The following QRSL1 variants were observed in gnomAD, a reference collection of about 807,000 sequenced individuals.
The protein encoded by QRSL1 is glutaminyl-tRNA amidotransferase subunit QRSL1, also known as glutamyl-tRNA(Gln) amidotransferase subunit A, mitochondrial.
In QRSL1, 54 loss-of-function variants were observed where a neutral mutation model predicts 61.6. The ratio of observed to expected loss-of-function variants is 0.88; its 90% CI spans 0.70 to 1.10. The LOEUF is 1.10. Among genes scored for constraint, QRSL1 ranks in the 50% least tolerant of loss-of-function variants. The pLI is 0.00. For missense variants in QRSL1, 505 were observed against 622.6 expected (o/e 0.81, Z 2.01); for synonymous variants, 228 against 225.7 (o/e 1.01, Z -0.09).
Position 106,640,460 on chromosome 6 carries a change from G to C in QRSL1, c.136G>C (p.Glu46Gln), listed in dbSNP as rs1484895852. The part of the protein sequence containing the change: ...FLNAYITVSE[E>Q]VALKQAEESE... ...AAATGCCTACATTACTGTGTCAGAA[G>C]AGGTGGCCTTAAAACAAGCTGAAGA... Residue 46 changes from glutamate (E) to glutamine (Q), a missense_variant, in exon 2 of 11, where the codon GAG becomes CAG. Coordinates refer to ENST00000369046, the MANE Select transcript of QRSL1 (RefSeq NM_018292.5). 1 of 1,601,486 alleles carries C rather than the reference G, an allele frequency of 6.2e-7. No homozygotes were observed.
At chr6:106,657,101 T>C (rs1777283044) in intron 9 of QRSL1, among the ~76,000 whole-genome samples, 1 of 152,168 alleles carries the variant, frequency 6.6e-6, no homozygotes, top group Admixed American at 6.5e-5. Context: ...AAAGCCTGTC[T>C]CTACTAAAAA....
At chr6:106,665,006 G>T (rs1777409432) in intron 10 of QRSL1, among the ~76,000 whole-genome samples, 1 of 152,058 alleles carries the variant, frequency 6.6e-6, no homozygotes, top group Non-Finnish European at 1.5e-5. Flanking sequence ...CTCTAAAGAA[G>T]AGCCTTCCTT....
At chr6:106,641,054 T>G (rs2114703056) in intron 3 of QRSL1, 133 bp downstream of exon 3, 1 of 654,474 alleles carries the variant, frequency 1.5e-6, no homozygotes, top group South Asian at 2.8e-5. Context: ...TAATATCATG[T>G]TTTTTTACTA....
chr6:106,636,579 A>G (rs921668844), intron 1 of QRSL1, among the ~76,000 whole-genome samples: 4 of 152,124 alleles, frequency 2.6e-5, no homozygotes, highest in African/African-American at 9.7e-5. Context: ...TTGGCCTCCC[A>G]AAGTGCTGGG....
At chr6:106,655,473 C>T in intron 8 of QRSL1, 142 bp from the exon 9 acceptor site, 1 of 568,628 alleles carries the variant, frequency 1.8e-6, no homozygotes, top group South Asian at 1.7e-5. Context: ...CGAGATTACA[C>T]CACTGCACTC....
At chr6:106,635,756 A>AG (rs1776910040) in intron 1 of QRSL1, among the ~76,000 whole-genome samples, 3 of 152,026 alleles carry the variant, frequency 2.0e-5, no homozygotes. Flanking sequence ...CTGTAATCCC[A>AG]GCTACTCAGG....
chr6:106,636,527 G>A (rs532668151), intron 1 of QRSL1, among the ~76,000 whole-genome samples: 3 of 152,142 alleles, frequency 2.0e-5, no homozygotes, highest in East Asian at 1.9e-4. Context: ...CACCGTGTTG[G>A]CCAGGATGGT....
chr6:106,655,299 T>A (rs1439760404), intron 8 of QRSL1, among the ~76,000 whole-genome samples: 1 of 152,060 alleles, frequency 6.6e-6, no homozygotes, highest in African/African-American at 2.4e-5. Flanking sequence ...AAAAGGCAGA[T>A]GGGGAAAAGA....
chr6:106,642,951 T>A (rs1777045789), intron 3 of QRSL1, 43 bp from the exon 4 acceptor site: 1 of 1,345,346 alleles, frequency 7.4e-7, no homozygotes, highest in South Asian at 1.2e-5. Context: ...AATAAAAGAC[T>A]TCTGGACTGT....
At chr6:106,651,851 A>G (rs1777191685) in intron 5 of QRSL1, among the ~76,000 whole-genome samples, 1 of 152,194 alleles carries the variant, frequency 6.6e-6, no homozygotes, top group African/African-American at 2.4e-5. Flanking sequence ...TCACGAATTT[A>G]TATGATGGAA....
At chr6:106,655,530 A>G (rs1777254778) in intron 8 of QRSL1, 85 bp from the exon 9 acceptor site, 1 of 794,150 alleles carries the variant, frequency 1.3e-6, no homozygotes, top group East Asian at 2.8e-5. Flanking sequence ...AAAAAAAAAA[A>G]AAAGTGAATC....
intron 1 of QRSL1, among the ~76,000 whole-genome samples, chr6:106,638,718 C>A (rs535487728): frequency 6.6e-6 from 1 of 152,318 alleles, no homozygotes; most frequent in East Asian, 1.9e-4. Flanking sequence ...AGTCCTGCAG[C>A]CTCCCCATGG....
rs930583587 is a variant in QRSL1 at position 106,667,298 on chromosome 6, G to A, written c.*1296G>A. 13 of 152,078 alleles carry A rather than the reference G, an allele frequency of 8.5e-5. No individual in the cohort carries two copies. Among genetic ancestry groups the A allele is most frequent in the Admixed American group, 3.3e-4 (5 of 15,258 alleles). 9.4% of individuals were successfully genotyped at this position (152,078 alleles called of 1,614,324 possible). On this transcript the variant is annotated 3_prime_UTR_variant, in exon 11 of 11. Coordinates refer to ENST00000369046, the MANE Select transcript of QRSL1 (RefSeq NM_018292.5). ...TCCTTTTCCTCTTGACTGTCTTTAC[G>A]AGTGTTTTTTATTTGGGACCCTCGA...
Position 106,649,119 on chromosome 6 carries a change from G to C in QRSL1, c.475G>C (p.Glu159Gln), listed in dbSNP as rs891606362. The C allele has an allele frequency of 1.9e-6, 3 of 1,614,154 alleles. No homozygotes were observed. Among genetic ancestry groups the C allele is most frequent in the Non-Finnish European group, 2.5e-6 (3 of 1,180,020 alleles). Residue 159 changes from glutamate to glutamine, a missense_variant, in exon 5 of 11, where the codon GAG becomes CAG. Glu to Gln is a conservative substitution (Grantham distance 29). Transcript: ENST00000369046. ...REKRKQNPHS[E>Q]NEDSDWLITG... ...AAAGAGGAAGCAGAATCCCCACAGC[G>C]AGAATGAAGATTCAGACTGGCTGAT...
chr6:106,647,795 C>T (rs1173282206), intron 4 of QRSL1, among the ~76,000 whole-genome samples: 5 of 146,746 alleles, frequency 3.4e-5, no homozygotes, highest in Non-Finnish European at 6.0e-5. Flanking sequence ...GGACTACAGG[C>T]GCCCGCCACC....
rs1777468567 is a variant in QRSL1, at chr6:106,667,986, C to A, written c.*1984C>A. 6.6e-6 allele frequency: 1 copy of A among 151,870 alleles called. No individual in the cohort carries two copies. The highest frequency in any genetic ancestry group is 1.9e-4 in the East Asian group (1 of 5,188). The allele number at this position is 151,870 out of a possible 1,614,324, so 9.4% of individuals were successfully genotyped here. A position where few individuals can be genotyped will look rare whatever the true frequency, so the allele number is the denominator to read the frequency against. ...AAAAAGAGAGAGAGAGAGAGATGGG[C>A]TCTCCCTGTGTTGCCCAGGCTAGTC... On this transcript the variant is annotated 3_prime_UTR_variant, in exon 11 of 11. Coordinates refer to ENST00000369046, the MANE Select transcript of QRSL1 (RefSeq NM_018292.5).
intron 1 of QRSL1, among the ~76,000 whole-genome samples, chr6:106,639,725 ACTT>A (rs1776987929): frequency 6.6e-6 from 1 of 151,974 alleles, no homozygotes; most frequent in African/African-American, 2.4e-5. Context: ...GGTATTCACT[ACTT>A]CCCAGTCACT....
rs6927609 is a variant in QRSL1, at chr6:106,633,524, C to T, written c.24+3819C>T. ...GCAATTTGGGGGATGTGAGTGGAAGCTTATGGTAACAGGAGTCCTGGGAAT... is the reference window on the plus strand; with the variant it reads ...GCAATTTGGGGGATGTGAGTGGAAGTTTATGGTAACAGGAGTCCTGGGAAT... On this transcript the variant is annotated intron_variant, in intron 1 of 10. Transcript: ENST00000369046. Among the ~76,000 whole-genome samples the T allele has an allele frequency of 1.7e-3, 258 of 152,156 alleles. 1 individual carries two copies. Among genetic ancestry groups the T allele is most frequent in the African/African-American group, 5.9e-3 (247 of 41,530 alleles).
chr6:106,661,124 T>TGTTTTG, intron 9 of QRSL1, among the ~76,000 whole-genome samples: 1 of 151,274 alleles, frequency 6.6e-6, no homozygotes, highest in Non-Finnish European at 1.5e-5. Context: ...TGTTTTGTTT[T>TGTTTTG]TTTTTGAGAC....
Sources: gnomAD v4.1 joint callset for allele counts (sites outside exome capture counted in the v4.1 genomes callset) on GRCh38, gnomAD v4.1.1 for gene constraint, MANE v1.5 for transcripts, NCBI Gene and HGNC (gene_info 2026-07-23, HGNC 2026-07-21) for gene names.